LAMA2: variants seen among roughly 807,000 people sequenced by gnomAD.
LAMA2 encodes the protein laminin subunit alpha 2.
In LAMA2, 269 loss-of-function variants were observed where a neutral mutation model predicts 364.8. The observed-to-expected ratio is 0.74, with a 90% CI of 0.67 to 0.82. LAMA2 has a LOEUF of 0.82. LAMA2 is among the 40% of genes least tolerant of loss of function. LAMA2 has a pLI of 0.00. For missense variants in LAMA2, 3,807 were observed against 3,873.2 expected (o/e 0.98, Z 0.45); for synonymous variants, 1,379 against 1,370.6 (o/e 1.01, Z -0.14).
At chr6:129,503,001 T>A in intron 59 of LAMA2, 90 bp from the exon 60 acceptor site, 1 of 1,278,562 alleles carries the variant, frequency 7.8e-7, no homozygotes, top group African/African-American at 1.5e-5. Context: ...CTCTCCTTTA[T>A]GAAAATGCAG....
chr6:128,960,182 A>G (rs1380620070), intron 1 of LAMA2, among the ~76,000 whole-genome samples: 1 of 152,032 alleles, frequency 6.6e-6, no homozygotes, highest in East Asian at 1.9e-4. Context: ...TGACCCGGGA[A>G]ATTCATACAC....
chr6:128,889,565 C>T (rs1450972929), intron 1 of LAMA2, among the ~76,000 whole-genome samples: 3 of 152,252 alleles, frequency 2.0e-5, no homozygotes, highest in East Asian at 3.9e-4. Context: ...TTTCTCCCTT[C>T]CTTTCTTCCT....
chr6:129,219,879 T>C (rs968273612), intron 12 of LAMA2, among the ~76,000 whole-genome samples: 3 of 148,604 alleles, frequency 2.0e-5, no homozygotes, highest in South Asian at 2.1e-4. Flanking sequence ...AAATGACGAG[T>C]TAATGGGTGC....
intron 4 of LAMA2, among the ~76,000 whole-genome samples, chr6:129,122,707 G>A (rs545134054): frequency 3.9e-5 from 6 of 152,100 alleles, no homozygotes; most frequent in South Asian, 2.1e-4. Context: ...GATATACTCC[G>A]GTTCCCCCAC....
At chr6:129,276,497 A>G (rs890956806) in intron 17 of LAMA2, among the ~76,000 whole-genome samples, 1 of 152,172 alleles carries the variant, frequency 6.6e-6, no homozygotes, top group Admixed American at 6.6e-5. Context: ...AGAGTATTGG[A>G]TTAACTCTCT....
chr6:129,323,447 C>CAG (rs1775085820), intron 28 of LAMA2, among the ~76,000 whole-genome samples: 2 of 152,094 alleles, frequency 1.3e-5, no homozygotes, highest in Admixed American at 1.3e-4. Context: ...TTGCTTGTTA[C>CAG]CTGCACTGTT....
chr6:129,231,227 A>G (rs1286493126), intron 12 of LAMA2, among the ~76,000 whole-genome samples: 4 of 152,306 alleles, frequency 2.6e-5, no homozygotes, highest in Admixed American at 2.6e-4. Flanking sequence ...TATCTAGCAC[A>G]AAACATAGAA....
At chr6:129,198,697 TAAGG>T (rs1389744316) in intron 12 of LAMA2, among the ~76,000 whole-genome samples, 2 of 151,494 alleles carry the variant, frequency 1.3e-5, no homozygotes, top group South Asian at 2.1e-4. Flanking sequence ...AATAAACAAA[TAAGG>T]AAGTATCAGA....
At chr6:129,339,097 A>G (rs536929466) in intron 29 of LAMA2, among the ~76,000 whole-genome samples, 1 of 83,122 alleles carries the variant, frequency 1.2e-5, no homozygotes, top group Non-Finnish European at 3.5e-5. Context: ...ATATGTTCAT[A>G]GGATGATCAC....
At chr6:129,089,667 T>C (rs1254952802) in intron 3 of LAMA2, among the ~76,000 whole-genome samples, 2 of 152,166 alleles carry the variant, frequency 1.3e-5, no homozygotes, top group African/African-American at 4.8e-5. Flanking sequence ...GAGAAAAATA[T>C]GTGAGAAGAG....
At chr6:129,293,010 T>A (rs1018344398) in intron 20 of LAMA2, 26 of 985,812 alleles carry the variant, frequency 2.6e-5, no homozygotes, top group Non-Finnish European at 3.1e-5. Context: ...TCCTCAGAGG[T>A]GGGCTATCGG....
chr6:129,187,682 G>A (rs774604491), intron 10 of LAMA2, among the ~76,000 whole-genome samples: 6 of 151,752 alleles, frequency 4.0e-5, no homozygotes, highest in Non-Finnish European at 7.4e-5. Flanking sequence ...GACCAGAAAT[G>A]TTTCCGATTT....
chr6:129,421,712 G>C (rs1781083484), intron 40 of LAMA2, among the ~76,000 whole-genome samples: 1 of 152,050 alleles, frequency 6.6e-6, no homozygotes, highest in Admixed American at 6.6e-5. Context: ...CAGATTGCTG[G>C]CAGACTGCTT....
At chr6:128,921,427 C>A (rs1006777889) in intron 1 of LAMA2, among the ~76,000 whole-genome samples, 1 of 151,992 alleles carries the variant, frequency 6.6e-6, no homozygotes, top group Non-Finnish European at 1.5e-5. Flanking sequence ...AGGGTCTTTG[C>A]AAATATAATT....
chr6:129,304,147 A>G (rs1773718157), intron 22 of LAMA2, among the ~76,000 whole-genome samples: 2 of 152,256 alleles, frequency 1.3e-5, no homozygotes, highest in Non-Finnish European at 2.9e-5. Context: ...TTAAGATAAT[A>G]ATATGGTAGT....
intron 55 of LAMA2, among the ~76,000 whole-genome samples, chr6:129,484,942 C>T (rs1445774910): frequency 6.6e-6 from 1 of 152,100 alleles, no homozygotes; most frequent in Non-Finnish European, 1.5e-5. Context: ...ATGTATATCA[C>T]TCATATTGTG....
chr6:128,929,525 G>T, intron 1 of LAMA2: 1 of 897,618 alleles, frequency 1.1e-6, no homozygotes, highest in African/African-American at 1.6e-5. Context: ...GCTTGTACCT[G>T]TAGAGAAACT....
At position 129,257,229 on chromosome 6, in the gene LAMA2, C is replaced by G. The variant is rs576267107; in HGVS notation, c.2097-3482C>G. On this transcript the variant is annotated intron_variant, in intron 14 of 64. Transcript: ENST00000421865. ...AAGGGGAAAAAAAAATAAACTGCAGCCTTCTTCATGAGTAACACTTGAAAC... is the reference window on the plus strand; with the variant it reads ...AAGGGGAAAAAAAAATAAACTGCAGGCTTCTTCATGAGTAACACTTGAAAC... Among the ~76,000 whole-genome samples the G allele has an allele frequency of 2.6e-5, 4 of 152,086 alleles. No individual in the cohort carries two copies. In the South Asian group the frequency reaches 8.3e-4, roughly 32 times the overall value.
intron 12 of LAMA2, among the ~76,000 whole-genome samples, chr6:129,198,773 G>T (rs1266121400): frequency 6.6e-6 from 1 of 151,632 alleles, no homozygotes; most frequent in East Asian, 1.9e-4. Flanking sequence ...TTTAGAAAAA[G>T]GAATATCCTT....
Sources: gnomAD v4.1 joint callset for allele counts (sites outside exome capture counted in the v4.1 genomes callset) on GRCh38, gnomAD v4.1.1 for gene constraint, MANE v1.5 for transcripts, NCBI Gene and HGNC (gene_info 2026-07-23, HGNC 2026-07-21) for gene names.